TTC7A: variants seen among roughly 807,000 people sequenced by gnomAD.
TTC7A encodes tetratricopeptide repeat domain 7A.
TTC7A carries 110 observed loss-of-function variants against 103.7 expected under a neutral mutation model. That is an observed-to-expected ratio of 1.06 (90% CI 0.91 to 1.24). TTC7A has a LOEUF of 1.24. Among genes scored for constraint, TTC7A ranks in the 50% most tolerant of loss-of-function variants. TTC7A has a pLI of 0.00. For synonymous variants in TTC7A, 521 were observed against 467.9 expected (o/e 1.11, Z -1.47); for missense variants, 1,340 against 1,116.3 (o/e 1.20, Z -2.86).
At chr2:47,057,857 C>T (rs763350838) in intron 18 of TTC7A, among the ~76,000 whole-genome samples, 2 of 152,226 alleles carry the variant, frequency 1.3e-5, no homozygotes, top group Non-Finnish European at 2.9e-5. Flanking sequence ...CCTAGCCCCT[C>T]TTGAGTGCCC....
At chr2:47,047,447 G>A in intron 16 of TTC7A, 1 of 676,198 alleles carries the variant, frequency 1.5e-6, no homozygotes, top group Non-Finnish European at 2.5e-6. Flanking sequence ...AGGAGGCTCT[G>A]GGGTTGAGGG....
At chr2:46,958,345 G>T in intron 3 of TTC7A, 1 of 513,752 alleles carries the variant, frequency 1.9e-6, no homozygotes, top group Non-Finnish European at 3.6e-6. Flanking sequence ...ATCTGCATTT[G>T]GCATTTGGGT....
At chr2:46,927,355 A>ATT (rs60808815) in intron 2 of TTC7A, among the ~76,000 whole-genome samples, 15 of 132,874 alleles carry the variant, frequency 1.1e-4, no homozygotes, top group Admixed American at 3.8e-4. Flanking sequence ...AGAAAAAAAG[A>ATT]TTTTTTTTTT....
chr2:47,055,669 A>C (rs1299364968), intron 18 of TTC7A, among the ~76,000 whole-genome samples: 1 of 152,142 alleles, frequency 6.6e-6, no homozygotes, highest in Non-Finnish European at 1.5e-5. Flanking sequence ...TGGAGGTCCA[A>C]GGGCTCATGG....
chr2:46,978,086 G>A (rs1674049264), intron 4 of TTC7A: 1 of 152,306 alleles, frequency 6.6e-6, no homozygotes, highest in South Asian at 2.1e-4. Flanking sequence ...TGTCCTGTGG[G>A]AGTGAAGTCT....
intron 2 of TTC7A, among the ~76,000 whole-genome samples, chr2:46,928,869 T>A (rs1669543110): frequency 6.6e-6 from 1 of 152,196 alleles, no homozygotes; most frequent in African/African-American, 2.4e-5. Context: ...AAAGCCACAT[T>A]TATTTTGAAA....
Position 47,073,885 on chromosome 2 carries a change from C to A in TTC7A, c.2539C>A (p.Pro847Thr). The change falls in exon 20 of 20, where the codon CCT becomes ACT. Residue 847 changes from proline to threonine, a missense_variant. Coordinates refer to ENST00000319190, the MANE Select transcript of TTC7A (RefSeq NM_020458.4). ...LTALELEASS[P>T]VLPFSIIPRE... The stretch of plus-strand genomic sequence containing the variant: ...CGCCCTTGAGCTGGAGGCCAGCAGC[C>A]CTGTACTGCCCTTCTCCATCATCCC... The A allele has an allele frequency of 6.2e-7, 1 of 1,613,278 alleles. No homozygotes were observed. The highest frequency in any genetic ancestry group is 8.5e-7 in the Non-Finnish European group (1 of 1,180,000).
chr2:47,033,707 C>A lies in TTC7A; in HGVS notation c.1802+4323C>A, dbSNP rs563401158. On this transcript the variant is annotated intron_variant, in intron 15 of 19. Coordinates refer to ENST00000319190, the MANE Select transcript of TTC7A (RefSeq NM_020458.4). ...CTGGCTTGGGAGGTTTATTGTGAGACTCAGGAGAGGGCACACAGTCGATGG... is the reference window on the plus strand; with the variant it reads ...CTGGCTTGGGAGGTTTATTGTGAGAATCAGGAGAGGGCACACAGTCGATGG... Among the ~76,000 whole-genome samples the A allele has an allele frequency of 3.9e-5, 6 of 152,284 alleles. No individual in the cohort carries two copies. In the East Asian group the frequency reaches 9.6e-4, roughly 24 times the overall value.
chr2:47,017,200 C>CAAAA (rs70940652), intron 11 of TTC7A, among the ~76,000 whole-genome samples: 9 of 35,590 alleles, frequency 2.5e-4, no homozygotes, highest in Non-Finnish European at 3.8e-4. Flanking sequence ...CACTCTGTCT[C>CAAAA]AAAAAAAAAA....
At chr2:47,059,896 C>G (rs1238401172) in intron 18 of TTC7A, among the ~76,000 whole-genome samples, 3 of 152,126 alleles carry the variant, frequency 2.0e-5, no homozygotes, top group Non-Finnish European at 4.4e-5. Context: ...GTGGCTCATG[C>G]CTATAATCTC....
chr2:47,058,048 C>G (rs912084042), intron 18 of TTC7A, among the ~76,000 whole-genome samples: 1 of 152,152 alleles, frequency 6.6e-6, no homozygotes, highest in African/African-American at 2.4e-5. Context: ...GTTCAGATGC[C>G]CCAGCAGCAG....
chr2:46,974,894 C>G (rs1415651471), intron 3 of TTC7A, 79 bp from the exon 4 acceptor site: 1 of 1,566,888 alleles, frequency 6.4e-7, no homozygotes. Flanking sequence ...TCGGATGAGC[C>G]CACCTTCGGC....
intron 5 of TTC7A, among the ~76,000 whole-genome samples, chr2:46,985,568 T>C (rs1311494532): frequency 1.3e-5 from 2 of 152,254 alleles, no homozygotes; most frequent in African/African-American, 4.8e-5. Flanking sequence ...TGTATAATCC[T>C]GTGATGCAGG....
At chr2:46,955,381 C>G (rs1368299661) in intron 2 of TTC7A, among the ~76,000 whole-genome samples, 1 of 152,186 alleles carries the variant, frequency 6.6e-6, no homozygotes, top group East Asian at 1.9e-4. Context: ...AGCAAATCCC[C>G]TCAAAAGATT....
At chr2:46,935,009 C>T (rs1366305196) in intron 2 of TTC7A, among the ~76,000 whole-genome samples, 1 of 151,808 alleles carries the variant, frequency 6.6e-6, no homozygotes, top group African/African-American at 2.4e-5. Context: ...TCATGTTGGC[C>T]AGGATGGTCT....
chr2:46,917,246 C>T (rs1223888610), exon 2 of TTC7A: 6 of 700,396 alleles, frequency 8.6e-6, no homozygotes, highest in Non-Finnish European at 1.6e-5. Context: ...CCTCCCACCA[C>T]CTCCGCCTCC....
intron 19 of TTC7A, among the ~76,000 whole-genome samples, chr2:47,066,382 C>T (rs1684183211): frequency 1.3e-5 from 2 of 152,140 alleles, no homozygotes; most frequent in Non-Finnish European, 2.9e-5. Context: ...CCCCTGGTAC[C>T]TCCCAAGGCG....
chr2:46,917,130 C>T, intron 1 of TTC7A: 1 of 699,044 alleles, frequency 1.4e-6, no homozygotes, highest in East Asian at 2.7e-5. Context: ...AAATCTGCCA[C>T]CCCATCCCAG....
At chr2:47,060,697 A>T in intron 18 of TTC7A, 72 bp from the exon 19 acceptor site, 1 of 1,432,650 alleles carries the variant, frequency 7.0e-7, no homozygotes, top group South Asian at 1.3e-5. Flanking sequence ...GGCTCTGAGG[A>T]TGCAGGGAGG....
Sources: allele counts gnomAD v4.1 joint callset (sites outside exome capture counted in the v4.1 genomes callset), GRCh38; gene constraint gnomAD v4.1.1; transcripts MANE v1.5; gene names NCBI Gene and HGNC (gene_info 2026-07-23, HGNC 2026-07-21).